POU3F3: variants seen among roughly 807,000 people sequenced by gnomAD.
The protein encoded by POU3F3 is POU class 3 homeobox 3, also known as POU domain, class 3, transcription factor 3.
In POU3F3, 1 loss-of-function variant was observed where a neutral mutation model predicts 8.6. That is an observed-to-expected ratio of 0.12 (90% CI 0.04 to 0.55). The LOEUF (loss-of-function observed/expected upper bound fraction) is 0.55. POU3F3 is among the 20% of genes least tolerant of loss of function. The pLI is 0.91. For synonymous variants in POU3F3, 418 were observed against 327.4 expected (o/e 1.28, Z -2.99); for missense variants, 577 against 690.7 (o/e 0.84, Z 1.84).
upstream of POU3F3, chr2:104,853,583 T>C (rs1174463061): frequency 1.3e-5 from 2 of 152,314 alleles, no homozygotes; most frequent in Non-Finnish European, 2.9e-5. Context: ...TTAGCTTGAA[T>C]GGTACATCCG....
the POU3F3 span, among the ~76,000 whole-genome samples, chr2:104,876,416 C>T: frequency 8.0e-4 from 122 of 152,292 alleles, no homozygotes; most frequent in African/African-American, 2.8e-3. Flanking sequence ...CATTCCATGC[C>T]TGGAATTCCC....
chr2:104,923,353 A>T, the POU3F3 span, among the ~76,000 whole-genome samples: 1 of 152,228 alleles, frequency 6.6e-6, no homozygotes, highest in Non-Finnish European at 1.5e-5. Context: ...GCCATGCAAT[A>T]TTTAAACATG....
chr2:104,855,039 C>T lies in POU3F3; in HGVS notation c.-472C>T, dbSNP rs3739155. Among the ~76,000 whole-genome samples the T allele has an allele frequency of 0.61, 92,559 of 151,582 alleles. 28,507 individuals carry two copies. The highest frequency in any genetic ancestry group is 0.76 in the East Asian group (3,832 of 5,072). On this transcript the variant is annotated 5_prime_UTR_variant, in exon 1 of 1. Coordinates refer to ENST00000361360, the MANE Select transcript of POU3F3 (RefSeq NM_006236.3). ...CCGAGGACAGGAGGAGGAGCGGGAG[C>T]CCGCGCGTCCCGGGAGAGCGCCCCG...
chr2:104,889,675 C>T, the POU3F3 span, among the ~76,000 whole-genome samples: 98 of 152,338 alleles, frequency 6.4e-4, no homozygotes, highest in African/African-American at 2.3e-3. Flanking sequence ...CTGAGACCCA[C>T]AGTGGAAGGG....
Position 104,857,186 on chromosome 2 carries a change from C to T in POU3F3, c.*173C>T, listed in dbSNP as rs1228768364. 1.4e-6 allele frequency: 1 copy of T among 706,296 alleles called. No individual in the cohort carries two copies. Among genetic ancestry groups the T allele is most frequent in the Non-Finnish European group, 1.7e-6 (1 of 574,426 alleles). The allele number at this position is 706,296 out of a possible 1,614,324, so 43.8% of individuals were successfully genotyped here. A position where few individuals can be genotyped will look rare whatever the true frequency, so the allele number is the denominator to read the frequency against. On this transcript the variant is annotated 3_prime_UTR_variant, in exon 1 of 1. Coordinates refer to ENST00000361360, the MANE Select transcript of POU3F3 (RefSeq NM_006236.3). The stretch of plus-strand genomic sequence containing the variant: ...AGCCCAGGCCCATCCGCCGCCCTCC[C>T]CTCCACCCAGAGACAGGCATGCCCG...
the POU3F3 span, among the ~76,000 whole-genome samples, chr2:104,927,237 C>T: frequency 6.6e-6 from 1 of 152,076 alleles, no homozygotes; most frequent in African/African-American, 2.4e-5. Flanking sequence ...CTCTTAATAC[C>T]ATCATTTTGG....
At position 104,855,464 on chromosome 2, in the gene POU3F3, C is replaced by T; in HGVS notation, c.-47C>T. ...GCGGCGGCCGCGGCTGCTGCTGCGG[C>T]GGCGGCGGCGGTGGTGGCGGCGGTG... On this transcript the variant is annotated 5_prime_UTR_variant, in exon 1 of 1. Transcript: ENST00000361360. 2 of 901,414 alleles carry T rather than the reference C, an allele frequency of 2.2e-6. No individual in the cohort carries two copies. Among genetic ancestry groups the T allele is most frequent in the Non-Finnish European group, 2.6e-6 (2 of 767,672 alleles). The allele number at this position is 901,414 out of a possible 1,614,324, so 55.8% of individuals were successfully genotyped here. A position where few individuals can be genotyped will look rare whatever the true frequency, so the allele number is the denominator to read the frequency against.
the POU3F3 span, among the ~76,000 whole-genome samples, chr2:104,875,373 A>T: frequency 1.3e-5 from 2 of 152,192 alleles, no homozygotes; most frequent in Non-Finnish European, 2.9e-5. Context: ...TTGCTGAATC[A>T]TAAGGTAATT....
At chr2:104,903,613 A>C in the POU3F3 span, among the ~76,000 whole-genome samples, 1 of 152,216 alleles carries the variant, frequency 6.6e-6, no homozygotes, top group Non-Finnish European at 1.5e-5. Context: ...AACTCTCCTA[A>C]TTAAGTCAAC....
chr2:104,872,507 C>A, the POU3F3 span: 1 of 368,498 alleles, frequency 2.7e-6, no homozygotes, highest in Admixed American at 3.3e-5. This position sits in a 1 kb window ranked among gnomAD's most constrained non-coding sequence, Gnocchi z 4.6. Flanking sequence ...GTTCCCAGCC[C>A]CTCTTCAGCT....
the POU3F3 span, chr2:104,867,930 T>C: frequency 8.6e-6 from 2 of 231,720 alleles, no homozygotes; most frequent in Admixed American, 1.0e-4. This position sits in a 1 kb window ranked among gnomAD's most constrained non-coding sequence, Gnocchi z 5.0. Context: ...TCCCCTTTGG[T>C]TCCCGAGGAC....
chr2:104,886,354 A>G, the POU3F3 span, among the ~76,000 whole-genome samples: 130 of 152,264 alleles, frequency 8.5e-4, no homozygotes, highest in Non-Finnish European at 8.1e-4. Context: ...TTTTGTTGCT[A>G]TTGCCTACAG....
chr2:104,914,815 C>T, the POU3F3 span, among the ~76,000 whole-genome samples: 3 of 152,102 alleles, frequency 2.0e-5, no homozygotes, highest in Admixed American at 2.0e-4. Flanking sequence ...AAGATCTGAC[C>T]CGGACAGTAG....
chr2:104,863,587 A>G, the POU3F3 span, among the ~76,000 whole-genome samples: 9 of 151,198 alleles, frequency 6.0e-5, no homozygotes, highest in African/African-American at 2.2e-4. Flanking sequence ...TCTGAAATCC[A>G]CCTCTCTGCT....
chr2:104,895,817 A>G, the POU3F3 span, among the ~76,000 whole-genome samples: 1 of 152,208 alleles, frequency 6.6e-6, no homozygotes, highest in Non-Finnish European at 1.5e-5. Flanking sequence ...GTAACTACTT[A>G]GGATTTGTTT....
chr2:104,895,887 T>G, the POU3F3 span, among the ~76,000 whole-genome samples: 1 of 152,276 alleles, frequency 6.6e-6, no homozygotes, highest in African/African-American at 2.4e-5. Context: ...GACCACGGGC[T>G]AAAGGCCAGC....
At chr2:104,911,468 G>A in the POU3F3 span, among the ~76,000 whole-genome samples, 4 of 150,980 alleles carry the variant, frequency 2.6e-5, no homozygotes, top group Non-Finnish European at 5.9e-5. Context: ...ATAAGACATT[G>A]CAAGGGATGT....
the POU3F3 span, among the ~76,000 whole-genome samples, chr2:104,864,454 T>C: frequency 2.0e-5 from 3 of 152,354 alleles, no homozygotes; most frequent in East Asian, 5.8e-4. Context: ...GATTTCTTTC[T>C]AGTGAGTACC....
the POU3F3 span, among the ~76,000 whole-genome samples, chr2:104,886,167 C>T: frequency 1.3e-5 from 2 of 152,088 alleles, no homozygotes; most frequent in Non-Finnish European, 2.9e-5. Flanking sequence ...CTTTCTTGCA[C>T]GATGTCCAAG....
Sources: gnomAD v4.1 joint callset for allele counts (sites outside exome capture counted in the v4.1 genomes callset) on GRCh38, gnomAD v4.1.1 for gene constraint, Gnocchi (gnomAD v3.1) non-coding constraint, MANE v1.5 for transcripts, NCBI Gene and HGNC (gene_info 2026-07-23, HGNC 2026-07-21) for gene names.